LRRC1: variants seen among roughly 807,000 people sequenced by gnomAD.
LRRC1 encodes the protein leucine rich repeat containing 1.
Under a neutral mutation model 69.9 loss-of-function variants are expected in LRRC1, and 28 were observed. The ratio of observed to expected loss-of-function variants is 0.40; its 90% confidence interval spans 0.30 to 0.55. The LOEUF (loss-of-function observed/expected upper bound fraction) is 0.55, where lower values mean the gene tolerates loss of function less well. Among genes scored for constraint, LRRC1 ranks in the 20% least tolerant of loss-of-function variants. The pLI, the probability that LRRC1 is intolerant of heterozygous loss-of-function variation, is 0.47. For synonymous variants in LRRC1, 236 were observed against 240.2 expected, an observed-to-expected ratio of 0.98 and a Z score of 0.16; for missense variants, 498 against 609.0, an observed-to-expected ratio of 0.82 and a Z score of 1.92.
chr6:53,886,446 G>A (rs1767483139), intron 4 of LRRC1, among the ~76,000 whole-genome samples: 1 of 152,088 alleles, frequency 6.6e-6, no homozygotes, highest in Non-Finnish European at 1.5e-5. Context: ...TAATGGTGGT[G>A]GGTTAAATCA....
intron 1 of LRRC1, among the ~76,000 whole-genome samples, chr6:53,806,600 C>G (rs1437293103): frequency 6.6e-6 from 1 of 152,164 alleles, no homozygotes; most frequent in Non-Finnish European, 1.5e-5. Flanking sequence ...TGTGTTGACC[C>G]TCTCTGATGC....
intron 2 of LRRC1, among the ~76,000 whole-genome samples, chr6:53,842,620 T>A (rs1484195109): frequency 6.6e-6 from 1 of 152,196 alleles, no homozygotes; most frequent in Admixed American, 6.5e-5. Context: ...CTTATTTTGC[T>A]GAACATGATA....
At chr6:53,862,849 C>A (rs561063731) in intron 2 of LRRC1, among the ~76,000 whole-genome samples, 1 of 152,124 alleles carries the variant, frequency 6.6e-6, no homozygotes, top group Admixed American at 6.5e-5. Flanking sequence ...CCTGCACACC[C>A]GGAACAACAG....
At chr6:53,801,821 G>T (rs1167775142) in intron 1 of LRRC1, among the ~76,000 whole-genome samples, 1 of 152,140 alleles carries the variant, frequency 6.6e-6, no homozygotes, top group East Asian at 1.9e-4. Context: ...GTGAGTTTCT[G>T]TGATGTATTA....
chr6:53,823,312 T>G (rs1304476920), intron 1 of LRRC1, among the ~76,000 whole-genome samples: 1 of 152,218 alleles, frequency 6.6e-6, no homozygotes, highest in East Asian at 1.9e-4. Context: ...ATTAAAGAAC[T>G]TAATATATTG....
chr6:53,903,126 T>C (rs1394115702), intron 9 of LRRC1, among the ~76,000 whole-genome samples: 2 of 151,962 alleles, frequency 1.3e-5, no homozygotes, highest in East Asian at 1.9e-4. Context: ...TTTGAGCAAA[T>C]GGGAAGAGCA....
chr6:53,868,528 T>C (rs1388701781), intron 2 of LRRC1, among the ~76,000 whole-genome samples: 2 of 152,124 alleles, frequency 1.3e-5, no homozygotes, highest in Non-Finnish European at 2.9e-5. Context: ...GCCCAGCCAA[T>C]ATGATGCTAC....
intron 8 of LRRC1, 136 bp downstream of exon 8, chr6:53,900,027 T>TTTTG (rs1768001616): frequency 2.4e-5 from 4 of 166,024 alleles, no homozygotes; most frequent in African/African-American, 2.8e-4. Context: ...ACTGTTTTTT[T>TTTTG]TTTTTTTTTT....
intron 2 of LRRC1, among the ~76,000 whole-genome samples, chr6:53,875,542 T>C: frequency 6.6e-6 from 1 of 152,150 alleles, no homozygotes; most frequent in East Asian, 1.9e-4. Context: ...GTTGGTGGTG[T>C]TTATTTTCTT....
At chr6:53,876,851 TC>T (rs1460455871) in intron 2 of LRRC1, among the ~76,000 whole-genome samples, 1 of 152,210 alleles carries the variant, frequency 6.6e-6, no homozygotes, top group Non-Finnish European at 1.5e-5. Flanking sequence ...TGGTGGCTTT[TC>T]CAGGTGCACA....
chr6:53,834,441 C>T (rs1431128887), intron 1 of LRRC1, among the ~76,000 whole-genome samples: 1 of 152,190 alleles, frequency 6.6e-6, no homozygotes, highest in Admixed American at 6.5e-5. Context: ...CCGCCTCCAC[C>T]TCCAGCATGA....
intron 2 of LRRC1, among the ~76,000 whole-genome samples, chr6:53,847,938 G>A (rs928940393): frequency 3.9e-5 from 6 of 152,120 alleles, no homozygotes; most frequent in African/African-American, 1.4e-4. Context: ...CAGAAGTGTG[G>A]TAGAAACAAG....
chr6:53,860,352 G>A (rs1766453845), intron 2 of LRRC1, among the ~76,000 whole-genome samples: 1 of 152,216 alleles, frequency 6.6e-6, no homozygotes, highest in African/African-American at 2.4e-5. Context: ...CAATGTGTAA[G>A]TTCTGATATG....
chr6:53,866,938 G>C (rs1049249495), intron 2 of LRRC1, among the ~76,000 whole-genome samples: 1 of 151,954 alleles, frequency 6.6e-6, no homozygotes, highest in African/African-American at 2.4e-5. Context: ...CCCTTAGACT[G>C]AGCTGCTGAA....
At chr6:53,883,241 A>G (rs926426406) in intron 4 of LRRC1, among the ~76,000 whole-genome samples, 1 of 152,224 alleles carries the variant, frequency 6.6e-6, no homozygotes, top group African/African-American at 2.4e-5. Context: ...AAACTGATGT[A>G]TGGCAAAGTA....
At position 53,854,468 on chromosome 6, in the gene LRRC1, G is replaced by C. The variant is rs1274100153; in HGVS notation, c.277+12241G>C. On this transcript the variant is annotated intron_variant, in intron 2 of 13. Coordinates refer to ENST00000370888, the MANE Select transcript of LRRC1 (RefSeq NM_018214.5). ...ATCCTTCTCATCAACATATTTATTG[G>C]GTGCTTACTGTGTACCAGGTATGAG... is the stretch of plus-strand genomic sequence containing the variant. Among the ~76,000 whole-genome samples, 8 of 152,182 alleles carry C rather than the reference G, an allele frequency of 5.3e-5. No homozygotes were observed. The East Asian group carries it at 1.5e-3, about 29-fold the overall frequency.
intron 2 of LRRC1, among the ~76,000 whole-genome samples, chr6:53,847,261 C>G (rs944670687): frequency 2.0e-5 from 3 of 152,026 alleles, no homozygotes; most frequent in African/African-American, 7.2e-5. Context: ...TGATTTAAAA[C>G]AATTTTCTTC....
chr6:53,897,622 T>C (rs1201474196), intron 7 of LRRC1, among the ~76,000 whole-genome samples: 1 of 152,210 alleles, frequency 6.6e-6, no homozygotes, highest in Non-Finnish European at 1.5e-5. Flanking sequence ...GTGTCCTTGC[T>C]ACCCATATAG....
chr6:53,896,234 G>A (rs1347382657), intron 4 of LRRC1, among the ~76,000 whole-genome samples: 1 of 152,174 alleles, frequency 6.6e-6, no homozygotes, highest in Admixed American at 6.5e-5. Context: ...CATGTACAAG[G>A]TATTTGAATG....
Sources: gnomAD v4.1 joint callset for allele counts (sites outside exome capture counted in the v4.1 genomes callset) on GRCh38, gnomAD v4.1.1 for gene constraint, MANE v1.5 for transcripts, NCBI Gene and HGNC (gene_info 2026-07-23, HGNC 2026-07-21) for gene names.